The following GRM8 variants were observed in gnomAD, a reference collection of about 807,000 sequenced individuals.
GRM8 encodes the protein metabotropic glutamate receptor 8.
Under a neutral mutation model 87.2 loss-of-function variants are expected in GRM8, and 47 were observed. The ratio of observed to expected loss-of-function variants is 0.54; its 90% CI spans 0.43 to 0.69. The LOEUF is 0.69. Ranked by LOEUF, GRM8 falls within the 30% of genes least tolerant of loss-of-function variation. The probability of loss-of-function intolerance (pLI) is 0.00; values close to 1 mark genes in which losing one functional copy is unlikely to be tolerated. For synonymous variants in GRM8, 396 were observed against 404.5 expected (o/e 0.98, Z 0.25); for missense variants, 1,019 against 1,139.2 (o/e 0.89, Z 1.52).
At chr7:126,546,025 G>C (rs938072107) in intron 8 of GRM8, among the ~76,000 whole-genome samples, 1 of 152,092 alleles carries the variant, frequency 6.6e-6, no homozygotes, top group Admixed American at 6.6e-5. Flanking sequence ...ACAGGAACAC[G>C]TGTCTTCAGA....
intron 2 of GRM8, among the ~76,000 whole-genome samples, chr7:127,168,088 G>C (rs1176636341): frequency 6.6e-6 from 1 of 152,088 alleles, no homozygotes; most frequent in African/African-American, 2.4e-5. Context: ...CAGAATGGCA[G>C]AAAATTTTTG....
intron 3 of GRM8, among the ~76,000 whole-genome samples, chr7:127,071,505 T>C (rs1426913602): frequency 6.6e-6 from 1 of 152,314 alleles, no homozygotes; most frequent in East Asian, 1.9e-4. Context: ...GTAAGACCAC[T>C]TAGAGCTACG....
chr7:127,195,586 C>T (rs1325473226), intron 2 of GRM8, among the ~76,000 whole-genome samples: 2 of 152,128 alleles, frequency 1.3e-5, no homozygotes, highest in African/African-American at 2.4e-5. Context: ...CTATCCCCTC[C>T]GGACCTATGC....
At chr7:127,199,594 G>T (rs1484321950) in intron 2 of GRM8, among the ~76,000 whole-genome samples, 2 of 152,154 alleles carry the variant, frequency 1.3e-5, no homozygotes, top group African/African-American at 4.8e-5. Context: ...TCCCTGCATT[G>T]TTTGTGCTAT....
At position 127,154,661 on chromosome 7, in the gene GRM8, A is replaced by G. The variant is rs551086471; in HGVS notation, c.511-47949T>C. ...TTGAATTGAGTTTTACTGTTCATCT[A>G]CCTTGCAGACAAATGGCATTTCTTA... On this transcript the variant is annotated intron_variant, in intron 2 of 10. Transcript: ENST00000339582. Among the ~76,000 whole-genome samples, 8 of 152,170 alleles carry G rather than the reference A, an allele frequency of 5.3e-5. No homozygotes were observed. The East Asian group carries it at 1.4e-3, about 26-fold the overall frequency.
chr7:127,063,572 T>G (rs568453710), intron 3 of GRM8, among the ~76,000 whole-genome samples: 3 of 152,202 alleles, frequency 2.0e-5, no homozygotes, highest in Non-Finnish European at 4.4e-5. Context: ...TAAGACTCTG[T>G]CTCAAAAACA....
intron 8 of GRM8, among the ~76,000 whole-genome samples, chr7:126,560,841 G>T (rs1481061667): frequency 6.6e-6 from 1 of 152,096 alleles, no homozygotes; most frequent in Non-Finnish European, 1.5e-5. Flanking sequence ...TGGCTAAATA[G>T]GAATGCTAAG....
chr7:126,816,765 T>TGTA (rs1255380521), intron 6 of GRM8, among the ~76,000 whole-genome samples: 3 of 136,364 alleles, frequency 2.2e-5, no homozygotes, highest in Admixed American at 7.5e-5. Context: ...TGTGTGTGTG[T>TGTA]GTGTAGTGTA....
chr7:126,632,270 C>G lies in GRM8; in HGVS notation c.1358-22772G>C, dbSNP rs112557529. On this transcript the variant is annotated intron_variant, in intron 7 of 10. Coordinates refer to ENST00000339582, the MANE Select transcript of GRM8 (RefSeq NM_000845.3). ...AAAAGACCTATGTGCAGCCAACAAA[C>G]ATATGAAAGAAAGCTCAACATCACT... Among the ~76,000 whole-genome samples, 1,088 of 152,232 alleles carry G rather than the reference C, an allele frequency of 7.1e-3. 3 individuals carry two copies. Among genetic ancestry groups the G allele is most frequent in the African/African-American group, 0.024 (993 of 41,550 alleles).
chr7:126,459,341 A>G (rs1803621667), intron 9 of GRM8, among the ~76,000 whole-genome samples: 2 of 151,188 alleles, frequency 1.3e-5, no homozygotes, highest in African/African-American at 2.4e-5. Context: ...TACGTGACTG[A>G]CAGAATGATG....
intron 3 of GRM8, among the ~76,000 whole-genome samples, chr7:127,058,959 T>C (rs970871297): frequency 6.6e-6 from 1 of 152,352 alleles, no homozygotes; most frequent in South Asian, 2.1e-4. Context: ...TGCCAGACAC[T>C]GTTCTAGGTA....
intron 2 of GRM8, among the ~76,000 whole-genome samples, chr7:127,217,172 C>A (rs1412372052): frequency 6.6e-6 from 1 of 152,132 alleles, no homozygotes; most frequent in Non-Finnish European, 1.5e-5. Flanking sequence ...AGGAGGGTGG[C>A]TCTACTTGTA....
chr7:127,125,496 G>A (rs188263368), intron 2 of GRM8, among the ~76,000 whole-genome samples: 8 of 151,868 alleles, frequency 5.3e-5, no homozygotes, highest in Non-Finnish European at 1.2e-4. Flanking sequence ...AGCAGTACAC[G>A]CAAGGATACA....
At chr7:127,153,631 T>A (rs1339460782) in intron 2 of GRM8, among the ~76,000 whole-genome samples, 1 of 152,114 alleles carries the variant, frequency 6.6e-6, no homozygotes, top group Non-Finnish European at 1.5e-5. Flanking sequence ...TTGAAGTTGG[T>A]GACTATGAAC....
chr7:126,644,220 A>G (rs9691125), intron 7 of GRM8, among the ~76,000 whole-genome samples: 46,835 of 152,128 alleles, frequency 0.31, 8,080 homozygotes, highest in East Asian at 0.43. Context: ...TCGTATTTTC[A>G]AATTTAAACA....
chr7:126,825,703 A>G (rs1209457379), intron 6 of GRM8, among the ~76,000 whole-genome samples: 3 of 152,216 alleles, frequency 2.0e-5, no homozygotes, highest in Non-Finnish European at 4.4e-5. Context: ...ATTGGTTAAA[A>G]AAAGGAAACT....
chr7:126,821,276 C>A (rs1042669063), intron 6 of GRM8, among the ~76,000 whole-genome samples: 1 of 152,126 alleles, frequency 6.6e-6, no homozygotes, highest in African/African-American at 2.4e-5. Context: ...ATCTAATGCA[C>A]CCATCCTTCA....
At chr7:126,536,875 A>G (rs1815812773) in intron 8 of GRM8, among the ~76,000 whole-genome samples, 1 of 152,158 alleles carries the variant, frequency 6.6e-6, no homozygotes, top group Admixed American at 6.5e-5. Flanking sequence ...ACAGCAAAAA[A>G]AAATTGGAAA....
intron 7 of GRM8, among the ~76,000 whole-genome samples, chr7:126,630,933 T>C (rs1585288857): frequency 6.6e-6 from 1 of 152,156 alleles, no homozygotes; most frequent in African/African-American, 2.4e-5. Context: ...TCATATTGAA[T>C]GGGCAAAAGC....
Sources: gnomAD v4.1 joint callset for allele counts (sites outside exome capture counted in the v4.1 genomes callset) on GRCh38, gnomAD v4.1.1 for gene constraint, MANE v1.5 for transcripts, NCBI Gene and HGNC (gene_info 2026-07-23, HGNC 2026-07-21) for gene names.